The following PPARGC1A variants were observed in gnomAD, a reference collection of about 807,000 sequenced individuals.
PPARGC1A encodes the protein PPARG coactivator 1 alpha.
A neutral mutation model predicts 88.7 loss-of-function variants in PPARGC1A; 25 were observed. That is an observed-to-expected ratio of 0.28 (90% CI 0.21 to 0.39). PPARGC1A has a LOEUF of 0.39. PPARGC1A is among the 10% of genes least tolerant of loss of function. The pLI is 1.00. For synonymous variants in PPARGC1A, 363 were observed against 355.6 expected, an observed-to-expected ratio of 1.02 and a Z score of -0.24; for missense variants, 880 against 968.7, an observed-to-expected ratio of 0.91 and a Z score of 1.22.
chr4:24,397,717 TCCA>T, the PPARGC1A span, among the ~76,000 whole-genome samples: 1 of 152,276 alleles, frequency 6.6e-6, no homozygotes, highest in African/African-American at 2.4e-5. Context: ...ACCTACAACC[TCCA>T]ACCTTTTTGA....
the PPARGC1A span, among the ~76,000 whole-genome samples, chr4:23,974,640 GT>G: frequency 7.5e-5 from 11 of 146,874 alleles, no homozygotes; most frequent in South Asian, 2.2e-4. Context: ...GTTGTCGTTG[GT>G]TTTTTTTTTG....
chr4:24,019,552 C>A, the PPARGC1A span, among the ~76,000 whole-genome samples: 102 of 152,296 alleles, frequency 6.7e-4, no homozygotes, highest in Non-Finnish European at 6.5e-4. Flanking sequence ...AGACACTAAA[C>A]AGCCCTCCAG....
At chr4:24,094,435 AT>A in the PPARGC1A span, among the ~76,000 whole-genome samples, 1 of 152,032 alleles carries the variant, frequency 6.6e-6, no homozygotes, top group Non-Finnish European at 1.5e-5. Flanking sequence ...ACACTTCACT[AT>A]TTTCTCTTCC....
chr4:24,317,666 G>C, the PPARGC1A span, among the ~76,000 whole-genome samples: 1 of 138,938 alleles, frequency 7.2e-6, no homozygotes, highest in Non-Finnish European at 1.5e-5. Context: ...TGTAGACAGA[G>C]AAATCAGTTG....
chr4:23,975,227 T>C, the PPARGC1A span, among the ~76,000 whole-genome samples: 2 of 152,212 alleles, frequency 1.3e-5, no homozygotes, highest in South Asian at 4.1e-4. Flanking sequence ...TATTTATGTA[T>C]TCAAAACTGG....
the PPARGC1A span, among the ~76,000 whole-genome samples, chr4:24,458,195 T>C: frequency 2.0e-5 from 3 of 152,146 alleles, no homozygotes; most frequent in Non-Finnish European, 2.9e-5. Flanking sequence ...TTTGGGGTTT[T>C]CAAATGCACA....
the PPARGC1A span, among the ~76,000 whole-genome samples, chr4:24,393,017 A>G: frequency 9.6e-5 from 2 of 20,728 alleles, no homozygotes; most frequent in Admixed American, 2.3e-3. Context: ...CCATCAGCAC[A>G]CACACACACA....
chr4:23,927,794 C>CAAATT, the PPARGC1A span, among the ~76,000 whole-genome samples: 51 of 152,304 alleles, frequency 3.3e-4, 1 homozygote, highest in African/African-American at 1.2e-3. Flanking sequence ...ACTACACTGT[C>CAAATT]CACAATCAAA....
At chr4:24,455,585 G>A in the PPARGC1A span, among the ~76,000 whole-genome samples, 22 of 152,250 alleles carry the variant, frequency 1.4e-4, no homozygotes, top group Admixed American at 1.1e-3. Context: ...CAAAGTTCAA[G>A]TGTTGGAAAC....
chr4:24,191,690 C>A, the PPARGC1A span, among the ~76,000 whole-genome samples: 1 of 152,240 alleles, frequency 6.6e-6, no homozygotes, highest in Admixed American at 6.5e-5. Flanking sequence ...AGGAGAAAGG[C>A]AAAAAGTAAT....
chr4:23,806,619 T>C (rs1011193997), intron 10 of PPARGC1A, among the ~76,000 whole-genome samples: 1 of 152,232 alleles, frequency 6.6e-6, no homozygotes, highest in Non-Finnish European at 1.5e-5. Context: ...TAAAAGCTAG[T>C]ACGCTGATGG....
At chr4:24,462,642 G>A in the PPARGC1A span, among the ~76,000 whole-genome samples, 6,201 of 151,696 alleles carry the variant, frequency 0.041, 174 homozygotes, top group South Asian at 0.065. Context: ...GATGAAATGA[G>A]TGAATCCATG....
chr4:23,801,690 C>T (rs1417052913), intron 12 of PPARGC1A, 40 bp downstream of exon 12: 1 of 1,609,156 alleles, frequency 6.2e-7, no homozygotes, highest in Admixed American at 1.7e-5. Context: ...TTGAGCTCTA[C>T]ATTATGGATT....
the PPARGC1A span, among the ~76,000 whole-genome samples, chr4:24,393,090 T>C: frequency 6.6e-6 from 1 of 151,626 alleles, no homozygotes; most frequent in Non-Finnish European, 1.5e-5. Flanking sequence ...TACCTTAGGG[T>C]TAACTTGCTC....
the PPARGC1A span, among the ~76,000 whole-genome samples, chr4:24,188,516 A>C: frequency 2.0e-5 from 3 of 152,088 alleles, no homozygotes; most frequent in Non-Finnish European, 4.4e-5. Context: ...GTCCTGGGGG[A>C]AATGCAGAGT....
chr4:24,105,233 A>G, the PPARGC1A span, among the ~76,000 whole-genome samples: 107 of 152,314 alleles, frequency 7.0e-4, no homozygotes, highest in East Asian at 0.02. Flanking sequence ...TTCATGGTTT[A>G]TCCCACGTTA....
chr4:24,173,368 T>C, the PPARGC1A span, among the ~76,000 whole-genome samples: 18 of 147,052 alleles, frequency 1.2e-4, no homozygotes, highest in African/African-American at 4.5e-4. Context: ...GAAAAAAAAT[T>C]CAGAAACATT....
the PPARGC1A span, among the ~76,000 whole-genome samples, chr4:24,135,522 G>A: frequency 6.6e-6 from 1 of 152,044 alleles, no homozygotes; most frequent in African/African-American, 2.4e-5. Flanking sequence ...ACACAACTCA[G>A]TGCTCCTTGT....
the PPARGC1A span, among the ~76,000 whole-genome samples, chr4:24,180,053 C>T: frequency 6.6e-6 from 1 of 152,126 alleles, no homozygotes; most frequent in African/African-American, 2.4e-5. Context: ...AAACTTCTTC[C>T]TGCAATGAAT....
Sources: allele counts gnomAD v4.1 joint callset (sites outside exome capture counted in the v4.1 genomes callset), GRCh38; gene constraint gnomAD v4.1.1; transcripts MANE v1.5; gene names NCBI Gene and HGNC (gene_info 2026-07-23, HGNC 2026-07-21).